Variants in FREM1 observed in about 807,000 individuals in gnomAD.
FREM1 encodes the protein FRAS1-related extracellular matrix protein 1.
FREM1 carries 220 observed loss-of-function variants against 210.1 expected under a neutral mutation model. The ratio of observed to expected loss-of-function variants is 1.05; its 90% confidence interval spans 0.94 to 1.17. FREM1 has a LOEUF of 1.17. Among genes scored for constraint, FREM1 ranks in the 50% most tolerant of loss-of-function variants. The probability of loss-of-function intolerance (pLI) is 0.00; values close to 1 mark genes in which losing one functional copy is unlikely to be tolerated. For missense variants in FREM1, 3,454 were observed against 2,675.5 expected, an observed-to-expected ratio of 1.29 and a Z score of -6.42; for synonymous variants, 1,189 against 980.2, an observed-to-expected ratio of 1.21 and a Z score of -3.98.
chr9:14,852,384 T>C (rs1196298527), intron 5 of FREM1, among the ~76,000 whole-genome samples: 1 of 152,170 alleles, frequency 6.6e-6, no homozygotes, highest in African/African-American at 2.4e-5. Flanking sequence ...ACAAGTGCTA[T>C]GGGCAGAAAG....
chr9:14,906,582 T>C (rs1380159685), intron 1 of FREM1, among the ~76,000 whole-genome samples: 1 of 152,262 alleles, frequency 6.6e-6, no homozygotes, highest in Non-Finnish European at 1.5e-5. Context: ...TGAATTTTCA[T>C]CTGCGGTATC....
chr9:14,838,907 C>A (rs551627240), intron 10 of FREM1, among the ~76,000 whole-genome samples: 1 of 152,042 alleles, frequency 6.6e-6, no homozygotes, highest in Non-Finnish European at 1.5e-5. Context: ...GGAATGGGGT[C>A]GTCAGAGGAT....
chr9:14,774,300 G>T (rs1374341189), intron 25 of FREM1: 1 of 401,134 alleles, frequency 2.5e-6, no homozygotes, highest in African/African-American at 2.1e-5. Flanking sequence ...CCTCCATAAT[G>T]CAAGTGGGCT....
chr9:14,899,355 A>T (rs887802876), intron 1 of FREM1, among the ~76,000 whole-genome samples: 10 of 152,214 alleles, frequency 6.6e-5, no homozygotes, highest in Non-Finnish European at 1.0e-4. Flanking sequence ...AGAAAAGCCA[A>T]ACTTGATCTG....
chr9:14,846,055 G>C lies in FREM1; in HGVS notation c.1298C>G (p.Thr433Ser). ...SLLEGQSRAI[T>S]WEQFQVVDND... ...GTCGACAACCTGAAACTGTTCCCAA[G>C]TGATGGCTCGAGACTGCCCCTCAAG... The change falls in exon 8 of 37, where the codon ACT becomes AGT. Residue 433 changes from threonine to serine, a missense_variant. Thr to Ser is a moderately conservative substitution (Grantham distance 58). Transcript: ENST00000380880. 1 of 1,598,032 alleles carries C rather than the reference G, an allele frequency of 6.3e-7. No homozygotes were observed.
At chr9:14,841,358 A>G (rs1825669155) in intron 10 of FREM1, 89 bp downstream of exon 10, 4 of 1,103,998 alleles carry the variant, frequency 3.6e-6, no homozygotes, top group Non-Finnish European at 5.0e-6. Flanking sequence ...AAACCTTGAA[A>G]CCTATTTTCA....
At chr9:14,902,619 G>A (rs1439919097) in intron 1 of FREM1, among the ~76,000 whole-genome samples, 1 of 152,166 alleles carries the variant, frequency 6.6e-6, no homozygotes, top group Non-Finnish European at 1.5e-5. Context: ...CCAGTGCACT[G>A]CCACCTCCTA....
At chr9:14,858,712 T>G (rs1829261483) in intron 4 of FREM1, among the ~76,000 whole-genome samples, 1 of 152,186 alleles carries the variant, frequency 6.6e-6, no homozygotes, top group Non-Finnish European at 1.5e-5. Flanking sequence ...ATGTTACCCA[T>G]AAACTCTTCC....
At chr9:14,872,032 T>A (rs1832774101) in intron 1 of FREM1, among the ~76,000 whole-genome samples, 1 of 152,202 alleles carries the variant, frequency 6.6e-6, no homozygotes, top group African/African-American at 2.4e-5. Context: ...TCTATATCTC[T>A]GTTTTGGTAC....
At chr9:14,782,172 G>T (rs1335431202) in intron 24 of FREM1, among the ~76,000 whole-genome samples, 1 of 152,208 alleles carries the variant, frequency 6.6e-6, no homozygotes, top group African/African-American at 2.4e-5. Flanking sequence ...TCTGGGGTAA[G>T]GCCCAAGAAT....
chr9:14,822,257 G>A (rs1212036981), intron 13 of FREM1, among the ~76,000 whole-genome samples: 1 of 152,100 alleles, frequency 6.6e-6, no homozygotes, highest in East Asian at 1.9e-4. Context: ...AGCAGCGTGA[G>A]AACAGACTAA....
intron 1 of FREM1, among the ~76,000 whole-genome samples, chr9:14,871,123 A>G (rs964373444): frequency 1.3e-5 from 2 of 152,228 alleles, no homozygotes; most frequent in Non-Finnish European, 2.9e-5. Context: ...ATACGTGTGC[A>G]TGTGTCTTTA....
intron 1 of FREM1, among the ~76,000 whole-genome samples, chr9:14,908,946 C>A (rs948168646): frequency 6.6e-6 from 1 of 152,118 alleles, no homozygotes; most frequent in Non-Finnish European, 1.5e-5. Context: ...GCACCTTTAT[C>A]AAATGTAAGC....
At chr9:14,753,109 T>C (rs1235453359) in intron 29 of FREM1, among the ~76,000 whole-genome samples, 2 of 152,204 alleles carry the variant, frequency 1.3e-5, no homozygotes, top group African/African-American at 2.4e-5. Context: ...GTGCAAAGTA[T>C]TTGCTAAGTC....
Position 14,797,581 on chromosome 9 carries a change from T to A in FREM1, c.3756A>T (p.Gln1252His), listed in dbSNP as rs373197206. The change falls in exon 21 of 37, where the codon CAA becomes CAT. Residue 1252 changes from glutamine to histidine, a missense_variant. Physicochemically the swap from Gln to His is conservative, Grantham distance 24. Coordinates refer to ENST00000380880, the MANE Select transcript of FREM1 (RefSeq NM_001379081.2). ...SESLADDFTIQLSDGKHKILK... is the reference protein window; with the variant it reads ...SESLADDFTIHLSDGKHKILK... ...GTATCTTATGTTTCCCATCTGACAA[T>A]TGGATTGTAAAATCATCAGCAAGGC... 10 of 1,612,408 alleles carry A rather than the reference T, an allele frequency of 6.2e-6. No individual in the cohort carries two copies. The African/African-American group carries it at 1.2e-4, about 19-fold the overall frequency.
intron 1 of FREM1, among the ~76,000 whole-genome samples, chr9:14,874,298 G>C (rs1419202772): frequency 1.3e-5 from 2 of 151,582 alleles, no homozygotes; most frequent in African/African-American, 4.9e-5. Flanking sequence ...TTGTGTGGGA[G>C]TCTAAGTCTC....
chr9:14,856,553 T>A (rs1247742343), intron 5 of FREM1, among the ~76,000 whole-genome samples: 1 of 152,170 alleles, frequency 6.6e-6, no homozygotes, highest in Admixed American at 6.5e-5. Flanking sequence ...TCATCTTGGA[T>A]CATCTTTCCT....
At chr9:14,802,010 A>C (rs1289147054) in intron 19 of FREM1, 136 bp from the exon 20 acceptor site, 1 of 592,812 alleles carries the variant, frequency 1.7e-6, no homozygotes, top group African/African-American at 1.8e-5. Flanking sequence ...TGAGTCCTAA[A>C]AAGAAATTGC....
At chr9:14,861,288 T>C (rs183704871) in intron 3 of FREM1, among the ~76,000 whole-genome samples, 15 of 81,762 alleles carry the variant, frequency 1.8e-4, no homozygotes, top group Non-Finnish European at 2.1e-4. Flanking sequence ...CATATATACA[T>C]ATATACATAT....
Sources: gnomAD v4.1 joint callset for allele counts (sites outside exome capture counted in the v4.1 genomes callset) on GRCh38, gnomAD v4.1.1 for gene constraint, MANE v1.5 for transcripts, NCBI Gene and HGNC (gene_info 2026-07-23, HGNC 2026-07-21) for gene names.